Variants in SPEN observed in about 807,000 individuals in gnomAD.
SPEN encodes the protein spen family transcriptional repressor, also known as msx2-interacting protein.
A neutral mutation model predicts 269.9 loss-of-function variants in SPEN; 18 were observed. The ratio of observed to expected loss-of-function variants is 0.07; its 90% CI spans 0.05 to 0.10. The LOEUF is 0.10. Among genes scored for constraint, SPEN ranks in the 10% least tolerant of loss-of-function variants. The pLI, the probability that SPEN is intolerant of heterozygous loss-of-function variation, is 1.00. For missense variants in SPEN, 3,822 were observed against 4,631.2 expected, an observed-to-expected ratio of 0.83 and a Z score of 5.07; for synonymous variants, 1,726 against 1,765.7, an observed-to-expected ratio of 0.98 and a Z score of 0.56.
Position 15,937,616 on chromosome 1 carries a change from A to G in SPEN, c.10480A>G (p.Arg3494Gly), listed in dbSNP as rs1398091097. The G allele has an allele frequency of 1.2e-6, 2 of 1,613,806 alleles. No homozygotes were observed. Among genetic ancestry groups the G allele is most frequent in the Non-Finnish European group, 1.7e-6 (2 of 1,179,816 alleles). Reference protein sequence around the residue: ...QDSSPHLTSQRPVDMVQLLKK... With the variant: ...QDSSPHLTSQGPVDMVQLLKK... The stretch of plus-strand genomic sequence containing the variant: ...TTCCTCTCCACACCTGACTTCCCAG[A>G]GACCCGTGGATATGGTTCAACTTCT... Residue 3494 changes from arginine to glycine, a missense_variant, in exon 12 of 15, where the codon AGA becomes GGA. Around this residue, in one of 16 missense-constraint regions of SPEN, gnomAD observed 359 missense variants for 377.3 expected, o/e 0.95. Transcript: ENST00000375759. The surrounding 1 kb of genome is among the most constrained non-coding windows in gnomAD (Gnocchi z 5.7).
chr1:15,870,065 C>T lies in SPEN; in HGVS notation c.84-2751C>T, dbSNP rs145239746. ...TGTATTTTTAGTAGAGACGGGGTTT[C>T]ACCATGTTGGTCAGGCTGGGTCTTG... On this transcript the variant is annotated intron_variant, in intron 1 of 14. Transcript: ENST00000375759. Among the ~76,000 whole-genome samples the T allele has an allele frequency of 2.6e-3, 392 of 152,130 alleles. 3 individuals are homozygous for T. The highest frequency in any genetic ancestry group is 9.1e-3 in the African/African-American group (379 of 41,518).
At chr1:15,885,494 C>T (rs542529992) in intron 3 of SPEN, among the ~76,000 whole-genome samples, 1 of 152,128 alleles carries the variant, frequency 6.6e-6, no homozygotes, top group African/African-American at 2.4e-5. Flanking sequence ...GTGATGGACT[C>T]CTGTAAGAGC....
intron 2 of SPEN, among the ~76,000 whole-genome samples, chr1:15,875,258 T>C (rs1416039656): frequency 2.4e-5 from 3 of 125,056 alleles, no homozygotes; most frequent in African/African-American, 6.4e-5. Flanking sequence ...TTGACAGGTA[T>C]TCACATCCTA....
At chr1:15,899,368 C>T (rs1044304105) in intron 3 of SPEN, among the ~76,000 whole-genome samples, 3 of 151,438 alleles carry the variant, frequency 2.0e-5, no homozygotes, top group Admixed American at 6.6e-5. Flanking sequence ...TTTGTAGAGA[C>T]GGGGTTTCGC....
chr1:15,886,327 C>A (rs1279315438), intron 3 of SPEN, among the ~76,000 whole-genome samples: 2 of 152,146 alleles, frequency 1.3e-5, no homozygotes, highest in African/African-American at 4.8e-5. Context: ...TGGGCAGCCC[C>A]TGCGTCTGAA....
At chr1:15,910,480 CAT>C (rs1450123187) in intron 4 of SPEN, among the ~76,000 whole-genome samples, 2 of 152,008 alleles carry the variant, frequency 1.3e-5, no homozygotes, top group African/African-American at 2.4e-5. Flanking sequence ...TATAAACAGA[CAT>C]GTAAAAGTTT....
At chr1:15,910,074 A>T (rs1291581070) in intron 4 of SPEN, among the ~76,000 whole-genome samples, 1 of 135,984 alleles carries the variant, frequency 7.4e-6, no homozygotes, top group Non-Finnish European at 1.5e-5. Flanking sequence ...CAGTGAGCTG[A>T]GGTCAGGCCA....
chr1:15,918,141 G>A (rs760662202), intron 6 of SPEN, among the ~76,000 whole-genome samples: 3 of 152,112 alleles, frequency 2.0e-5, no homozygotes, highest in African/African-American at 4.8e-5. Flanking sequence ...ACAGTTATCT[G>A]TTATTTATTT....
chr1:15,913,634 C>T (rs1034030761), intron 5 of SPEN, among the ~76,000 whole-genome samples: 2 of 151,774 alleles, frequency 1.3e-5, no homozygotes, highest in African/African-American at 2.4e-5. Context: ...AAGCTCATGC[C>T]TGTAAACAGT....
chr1:15,927,966 T>C, intron 10 of SPEN, 125 bp from the exon 11 acceptor site: 2 of 921,518 alleles, frequency 2.2e-6, no homozygotes, highest in Non-Finnish European at 3.2e-6. Flanking sequence ...AACTAATCAT[T>C]TCACAAATGA....
intron 1 of SPEN, among the ~76,000 whole-genome samples, chr1:15,869,298 G>T (rs2070549418): frequency 6.6e-6 from 1 of 152,040 alleles, no homozygotes; most frequent in East Asian, 1.9e-4. Context: ...CTGGTCATCT[G>T]CCTGCCTTGG....
chr1:15,920,882 C>A lies in SPEN; in HGVS notation c.1648C>A (p.Arg550Ser). ...GTTTGTTTTACAGGTGGTGTTTGAC[C>A]GCTTAAAAGGCATGGCCCTGGTTCT... ...YGPVVKVVFD[R>S]LKGMALVLYN... The change falls in exon 9 of 15, where the codon CGC (arginine) becomes AGC (serine). Residue 550 changes from arginine (R) to serine (S), a missense_variant. By Grantham distance (110) the Arg-to-Ser change is moderately radical. Coordinates refer to ENST00000375759, the MANE Select transcript of SPEN (RefSeq NM_015001.3). 6.2e-7 allele frequency: 1 copy of A among 1,602,416 alleles called. No individual in the cohort carries two copies. The highest frequency in any genetic ancestry group is 8.5e-7 in the Non-Finnish European group (1 of 1,175,010).
chr1:15,934,579 A>C lies in SPEN; in HGVS notation c.8339A>C (p.Asn2780Thr), dbSNP rs1233243610. 1 of 1,614,146 alleles carries C rather than the reference A, an allele frequency of 6.2e-7. No homozygotes were observed. Among genetic ancestry groups the C allele is most frequent in the South Asian group, 1.1e-5 (1 of 91,086 alleles). ...STKCKQRASA[N>T]ENSRFHPGSM... ...AAGTGCAAACAGAGAGCGAGTGCTAATGAAAACAGTCGGTTCCACCCAGGG... is the reference window on the plus strand; with the variant it reads ...AAGTGCAAACAGAGAGCGAGTGCTACTGAAAACAGTCGGTTCCACCCAGGG... Residue 2780 changes from asparagine to threonine, a missense_variant, in exon 11 of 15, where the codon AAT (asparagine) becomes ACT (threonine). Coordinates refer to ENST00000375759, the MANE Select transcript of SPEN (RefSeq NM_015001.3). The surrounding 1 kb of genome is among the most constrained non-coding windows in gnomAD (Gnocchi z 9.2).
At chr1:15,908,571 C>T (rs1257096454) in intron 3 of SPEN, among the ~76,000 whole-genome samples, 4 of 151,888 alleles carry the variant, frequency 2.6e-5, no homozygotes, top group Admixed American at 6.6e-5. Context: ...TGCAGGCGCA[C>T]GCCACCACAC....
In SPEN at chr1:15,935,795, A is replaced by G; in HGVS notation, c.9555A>G (p.Arg3185=). Residue 3185 remains arginine, a synonymous_variant, in exon 11 of 15, where the codon CGA becomes CGG. Transcript: ENST00000375759. This position sits in a 1 kb window ranked among gnomAD's most constrained non-coding sequence, Gnocchi z 7.7. ...TACTAGTCATGCAGTCTGAGTACCG[A>G]CTGCACCCCTATACTGTGCCACGGG... ...SEVLVMQSEY[R]LHPYTVPRDV... 1.2e-6 allele frequency: 2 copies of G among 1,613,592 alleles called. No individual in the cohort carries two copies. Among genetic ancestry groups the G allele is most frequent in the East Asian group, 4.5e-5 (2 of 44,874 alleles).
At position 15,933,269 on chromosome 1, in the gene SPEN, C is replaced by T. The variant is rs771705365; in HGVS notation, c.7029C>T (p.Asn2343=). The change falls in exon 11 of 15, where the codon AAC becomes AAT. Residue 2343 remains asparagine, a synonymous_variant. Transcript: ENST00000375759. This position sits in a 1 kb window ranked among gnomAD's most constrained non-coding sequence, Gnocchi z 5.7. ...QKTTRSRRKR[N]TNKKVVAPVE... ...CAACCCGATCACGCCGCAAGCGAAA[C>T]ACAAACAAGAAAGTGGTGGCTCCTG... 1.9e-6 allele frequency: 3 copies of T among 1,614,154 alleles called. No individual in the cohort carries two copies. Among genetic ancestry groups the T allele is most frequent in the Non-Finnish European group, 2.5e-6 (3 of 1,180,052 alleles).
At chr1:15,865,091 G>A (rs1384280954) in intron 1 of SPEN, among the ~76,000 whole-genome samples, 5 of 151,672 alleles carry the variant, frequency 3.3e-5, no homozygotes, top group Admixed American at 2.6e-4. Flanking sequence ...TCACTCTGTC[G>A]CCCGGGCTGG....
chr1:15,885,820 C>T (rs2070731627), intron 3 of SPEN, among the ~76,000 whole-genome samples: 1 of 152,102 alleles, frequency 6.6e-6, no homozygotes, highest in African/African-American at 2.4e-5. Context: ...CTTTTTTTCC[C>T]ATCAGTGGCA....
chr1:15,867,420 A>G (rs1278616205), intron 1 of SPEN, among the ~76,000 whole-genome samples: 1 of 152,128 alleles, frequency 6.6e-6, no homozygotes, highest in Non-Finnish European at 1.5e-5. Flanking sequence ...CTGGTCTCCA[A>G]TTCCTGAGCT....
Sources: allele counts gnomAD v4.1 joint callset (sites outside exome capture counted in the v4.1 genomes callset), GRCh38; gene constraint gnomAD v4.1.1; regional missense constraint gnomAD v4.1.1; non-coding constraint Gnocchi (gnomAD v3.1); transcripts MANE v1.5; gene names NCBI Gene and HGNC (gene_info 2026-07-23, HGNC 2026-07-21).